The following KCNJ15 variants were observed in gnomAD, a reference collection of about 807,000 sequenced individuals.
KCNJ15 encodes the protein potassium inwardly rectifying channel subfamily J member 15, also known as ATP-sensitive inward rectifier potassium channel 15.
A neutral mutation model predicts 23.0 loss-of-function variants in KCNJ15; 14 were observed. The ratio of observed to expected loss-of-function variants is 0.61; its 90% CI spans 0.40 to 0.95. The LOEUF is 0.95. Among genes scored for constraint, KCNJ15 ranks in the 40% least tolerant of loss-of-function variants. The pLI, the probability that KCNJ15 is intolerant of heterozygous loss-of-function variation, is 0.00. For missense variants in KCNJ15, 388 were observed against 461.8 expected (o/e 0.84, Z 1.46); for synonymous variants, 185 against 183.2 (o/e 1.01, Z -0.08).
intron 1 of KCNJ15, among the ~76,000 whole-genome samples, chr21:38,234,979 A>G (rs917211791): frequency 2.0e-5 from 3 of 152,160 alleles, no homozygotes; most frequent in Non-Finnish European, 4.4e-5. Flanking sequence ...CACTTTCTCC[A>G]TGCTCAAACA....
chr21:38,238,519 A>G (rs1012354978), intron 1 of KCNJ15: 1 of 640,698 alleles, frequency 1.6e-6, no homozygotes, highest in Admixed American at 1.8e-5. Context: ...GGCACGGACC[A>G]TCTCCGGCAA....
chr21:38,238,544 G>C, intron 1 of KCNJ15: 2 of 638,816 alleles, frequency 3.1e-6, no homozygotes, highest in South Asian at 2.9e-5. Context: ...ACCGGGACAT[G>C]GTGCATGTGC....
At chr21:38,239,931 C>G (rs1978873459) in intron 1 of KCNJ15, among the ~76,000 whole-genome samples, 1 of 152,206 alleles carries the variant, frequency 6.6e-6, no homozygotes, top group Admixed American at 6.5e-5. Flanking sequence ...GACGTTAAAA[C>G]ATTAGAACAA....
At chr21:38,232,900 A>C (rs1207042652) in intron 1 of KCNJ15, among the ~76,000 whole-genome samples, 1 of 152,000 alleles carries the variant, frequency 6.6e-6, no homozygotes, top group African/African-American at 2.4e-5. Flanking sequence ...CTCCATGTAC[A>C]CTTGAAAAGA....
chr21:38,290,287 A>T (rs1329847430), intron 1 of KCNJ15, among the ~76,000 whole-genome samples: 1 of 152,194 alleles, frequency 6.6e-6, no homozygotes, highest in Non-Finnish European at 1.5e-5. Context: ...ATTAAAAAAA[A>T]GTTTTTAAAG....
At chr21:38,246,327 G>A (rs945873017) in intron 1 of KCNJ15, among the ~76,000 whole-genome samples, 16 of 152,230 alleles carry the variant, frequency 1.1e-4, no homozygotes, top group South Asian at 2.1e-4. Flanking sequence ...AGTTTTTTGC[G>A]TGTTGCCAAT....
intron 1 of KCNJ15, among the ~76,000 whole-genome samples, chr21:38,240,120 C>T (rs1211832242): frequency 6.6e-6 from 1 of 152,068 alleles, no homozygotes; most frequent in Non-Finnish European, 1.5e-5. Context: ...CTTTATTTCT[C>T]CAAGTACCAG....
rs1198127561 is a variant in KCNJ15, at chr21:38,303,602, G to A, written c.*3213G>A. ...CCTGGGGAAATTACAACACAACGCA[G>A]AGTGTCCAGAAATCTAAAGAGCTGG... On this transcript the variant is annotated 3_prime_UTR_variant, in exon 3 of 3. Coordinates refer to ENST00000398938, the MANE Select transcript of KCNJ15 (RefSeq NM_170736.3). The A allele has an allele frequency of 6.6e-6, 1 of 151,980 alleles. No individual in the cohort carries two copies. The highest frequency in any genetic ancestry group is 1.5e-5 in the Non-Finnish European group (1 of 68,000). The allele number at this position is 151,980 out of a possible 1,614,324, so 9.4% of individuals were successfully genotyped here.
chr21:38,274,150 C>G (rs1569000943), intron 1 of KCNJ15, among the ~76,000 whole-genome samples: 1 of 152,236 alleles, frequency 6.6e-6, no homozygotes, highest in Non-Finnish European at 1.5e-5. Flanking sequence ...GCAGGCTGTT[C>G]CGCCTGGGCA....
At chr21:38,232,429 C>T (rs887033424) in intron 1 of KCNJ15, among the ~76,000 whole-genome samples, 5 of 151,742 alleles carry the variant, frequency 3.3e-5, no homozygotes, top group African/African-American at 1.2e-4. Flanking sequence ...TATAACTTTT[C>T]TAATCTTTAT....
chr21:38,242,838 C>T (rs368988984), intron 1 of KCNJ15, among the ~76,000 whole-genome samples: 2 of 152,148 alleles, frequency 1.3e-5, no homozygotes, highest in African/African-American at 4.8e-5. Context: ...GGGAAAGAGA[C>T]AGTAAGCTCG....
chr21:38,266,628 G>A (rs1428689683), intron 1 of KCNJ15, among the ~76,000 whole-genome samples: 1 of 152,196 alleles, frequency 6.6e-6, no homozygotes, highest in Non-Finnish European at 1.5e-5. Flanking sequence ...ATGTGTGCAT[G>A]TGTCTTTATA....
intron 1 of KCNJ15, among the ~76,000 whole-genome samples, chr21:38,232,905 A>T (rs1241778102): frequency 6.6e-6 from 1 of 152,034 alleles, no homozygotes. Context: ...TGTACACTTG[A>T]AAAGAAGATG....
At chr21:38,285,926 C>T (rs1159716178) in intron 1 of KCNJ15, among the ~76,000 whole-genome samples, 1 of 152,098 alleles carries the variant, frequency 6.6e-6, no homozygotes, top group Non-Finnish European at 1.5e-5. Context: ...TTGCATGTGA[C>T]TGAGTGGTAT....
chr21:38,265,941 C>T (rs2836261), intron 1 of KCNJ15, among the ~76,000 whole-genome samples: 2 of 152,120 alleles, frequency 1.3e-5, no homozygotes, highest in Non-Finnish European at 2.9e-5. Flanking sequence ...AGGGTCAGGA[C>T]GGGGAGAAGC....
At chr21:38,286,618 G>A (rs1010669969) in intron 1 of KCNJ15, among the ~76,000 whole-genome samples, 1 of 152,200 alleles carries the variant, frequency 6.6e-6, no homozygotes, top group African/African-American at 2.4e-5. Flanking sequence ...GATTGTGTAC[G>A]AGGGGAATAA....
At chr21:38,256,029 A>C (rs1980197589), upstream of KCNJ15, among the ~76,000 whole-genome samples, 1 of 152,064 alleles carries the variant, frequency 6.6e-6, no homozygotes, top group Non-Finnish European at 1.5e-5. Flanking sequence ...TGAAAAACCC[A>C]TTCCATCTCT....
chr21:38,262,659 C>T (rs1287909400), intron 1 of KCNJ15, among the ~76,000 whole-genome samples: 6 of 151,830 alleles, frequency 4.0e-5, no homozygotes, highest in African/African-American at 7.3e-5. Flanking sequence ...AAAGTGATGT[C>T]ATAGTGACAT....
intron 1 of KCNJ15, among the ~76,000 whole-genome samples, chr21:38,231,339 AG>A (rs1988736112): frequency 6.6e-6 from 1 of 152,014 alleles, no homozygotes; most frequent in African/African-American, 2.4e-5. Flanking sequence ...AATTATTAAT[AG>A]TAGATTACTT....
Sources: allele counts gnomAD v4.1 joint callset (sites outside exome capture counted in the v4.1 genomes callset), GRCh38; gene constraint gnomAD v4.1.1; transcripts MANE v1.5; gene names NCBI Gene and HGNC (gene_info 2026-07-23, HGNC 2026-07-21).